Variants in RFC1 observed in about 807,000 individuals in gnomAD.
RFC1 encodes the protein A1 140 kDa subunit.
Under a neutral mutation model 137.4 loss-of-function variants are expected in RFC1, and 37 were observed. That is an observed-to-expected ratio of 0.27 (90% confidence interval 0.21 to 0.35). RFC1 has a LOEUF of 0.35. RFC1 is among the 10% of genes least tolerant of loss of function. The probability of loss-of-function intolerance (pLI) is 1.00; values close to 1 mark genes in which losing one functional copy is unlikely to be tolerated. For synonymous variants in RFC1, 429 were observed against 455.7 expected (o/e 0.94, Z 0.75); for missense variants, 1,205 against 1,358.5 (o/e 0.89, Z 1.78).
Position 39,351,331 on chromosome 4 carries a change from A to G in RFC1, c.132+17T>C, listed in dbSNP as rs1741190521. 2 of 1,490,348 alleles carry G rather than the reference A, an allele frequency of 1.3e-6. No homozygotes were observed. Among genetic ancestry groups the G allele is most frequent in the Admixed American group, 2.6e-5 (1 of 38,364 alleles). 92.3% of individuals were successfully genotyped at this position (1,490,348 alleles called of 1,614,324 possible). A position where few individuals can be genotyped will look rare whatever the true frequency, so the allele number is the denominator to read the frequency against. ...TTTACATTTCATTCAATGCAAAATT[A>G]TACCCAGAAAACTAACCTTGATTTC... On this transcript the variant is annotated intron_variant, in intron 2 of 24. Coordinates refer to ENST00000349703, the MANE Select transcript of RFC1 (RefSeq NM_002913.5).
intron 23 of RFC1, among the ~76,000 whole-genome samples, chr4:39,290,829 G>T (rs1183945799): frequency 6.6e-6 from 1 of 150,594 alleles, no homozygotes; most frequent in Non-Finnish European, 1.5e-5. Context: ...AAAAAAAAAG[G>T]TTGGGGGAGC....
chr4:39,315,855 C>T (rs1739213283), intron 10 of RFC1, among the ~76,000 whole-genome samples: 2 of 152,278 alleles, frequency 1.3e-5, no homozygotes, highest in South Asian at 4.1e-4. Context: ...GCTATTTCTG[C>T]CCCATCCACA....
intron 22 of RFC1, among the ~76,000 whole-genome samples, chr4:39,293,811 C>A (rs748230721): frequency 4.6e-5 from 7 of 152,168 alleles, no homozygotes; most frequent in Non-Finnish European, 7.3e-5. Flanking sequence ...TAGGGCAGAG[C>A]AACCCATGAC....
chr4:39,311,358 A>G, intron 12 of RFC1, 87 bp downstream of exon 12: 2 of 1,076,668 alleles, frequency 1.9e-6, no homozygotes, highest in South Asian at 2.8e-5. Flanking sequence ...TCTTTCAGCC[A>G]ACAAGCCTGT....
chr4:39,314,767 T>C (rs1004453634), intron 10 of RFC1, among the ~76,000 whole-genome samples: 2 of 152,160 alleles, frequency 1.3e-5, no homozygotes, highest in African/African-American at 4.8e-5. Flanking sequence ...TATTAATCTC[T>C]ATATGTACTT....
chr4:39,327,747 T>A lies in RFC1; in HGVS notation c.341A>T (p.Asp114Val). Residue 114 changes from aspartate to valine, a missense_variant, in exon 5 of 25, where the codon GAT becomes GTT. Around this residue, in one of 3 missense-constraint regions of RFC1, gnomAD observed 962 missense variants for 1,035.3 expected, o/e 0.93. Transcript: ENST00000349703. ...GGCCGCCTTCTTACACATAAAGTCA[T>A]CTTCTTCATCTTAAATGAAATGTAA... Reference protein sequence around the residue: ...VTYISETDEEDDFMCKKAASK... With the variant: ...VTYISETDEEVDFMCKKAASK... 1 of 1,586,984 alleles carries A rather than the reference T, an allele frequency of 6.3e-7. No homozygotes were observed. The highest frequency in any genetic ancestry group is 8.5e-7 in the Non-Finnish European group (1 of 1,170,230).
At chr4:39,294,901 G>A (rs1010550010) in intron 22 of RFC1, among the ~76,000 whole-genome samples, 23 of 152,162 alleles carry the variant, frequency 1.5e-4, no homozygotes, top group Non-Finnish European at 7.3e-5. Flanking sequence ...CTACTCAGGA[G>A]GCTGAGGTGG....
At chr4:39,289,498 C>A in intron 24 of RFC1, 1 of 199,984 alleles carries the variant, frequency 5.0e-6, no homozygotes, top group Non-Finnish European at 1.0e-5. Flanking sequence ...TTCTACAAAG[C>A]AGTTTAGTGG....
chr4:39,302,924 T>C, intron 16 of RFC1, 50 bp from the exon 17 acceptor site: 1 of 1,541,210 alleles, frequency 6.5e-7, no homozygotes, highest in Non-Finnish European at 8.9e-7. Flanking sequence ...AAATGACAAA[T>C]ACCACACAAG....
intron 4 of RFC1, among the ~76,000 whole-genome samples, chr4:39,329,441 TTAGCCGGGCG>T (rs1739974891): frequency 6.6e-6 from 1 of 151,688 alleles, no homozygotes; most frequent in South Asian, 2.1e-4. Flanking sequence ...ATTACAAAAC[TTAGCCGGGCG>T]TAGCGGTGCG....
intron 4 of RFC1, among the ~76,000 whole-genome samples, chr4:39,329,368 T>C (rs1266485926): frequency 6.6e-6 from 1 of 151,326 alleles, no homozygotes; most frequent in East Asian, 1.9e-4. Flanking sequence ...GGCAGGCAGA[T>C]CACTTCAGGT....
chr4:39,298,307 C>CAAAAAAAAA (rs55727769), intron 21 of RFC1, among the ~76,000 whole-genome samples: 7 of 111,218 alleles, frequency 6.3e-5, no homozygotes, highest in African/African-American at 1.6e-4. Context: ...GACCTTGTCT[C>CAAAAAAAAA]AAAAAAAAAA....
At chr4:39,333,373 T>C (rs768857813) in intron 4 of RFC1, among the ~76,000 whole-genome samples, 1 of 152,178 alleles carries the variant, frequency 6.6e-6, no homozygotes, top group Non-Finnish European at 1.5e-5. Context: ...TCCTTTAGCA[T>C]AGTAACTCTT....
chr4:39,351,372 T>C lies in RFC1; in HGVS notation c.108A>G (p.Ala36=). 1 of 1,566,656 alleles carries C rather than the reference T, an allele frequency of 6.4e-7. No homozygotes were observed. The highest frequency in any genetic ancestry group is 8.6e-7 in the Non-Finnish European group (1 of 1,163,984). Residue 36 remains alanine, a synonymous_variant, in exon 2 of 25, where the codon GCA becomes GCG. Transcript: ENST00000349703. ...CCTTGATTTCCTTTATTCCTTTCTT[T>C]GCTTTTAAAGTTTCTTCATCAGACT... is the stretch of plus-strand genomic sequence containing the variant. ...KTKSDEETLK[A]KKGIKEIKVN...
chr4:39,298,101 G>A (rs1738126211), intron 21 of RFC1, among the ~76,000 whole-genome samples: 1 of 152,128 alleles, frequency 6.6e-6, no homozygotes, highest in Non-Finnish European at 1.5e-5. Flanking sequence ...TTGCACCCAG[G>A]AGTTCAAGAC....
chr4:39,324,502 T>C (rs563553852), intron 6 of RFC1, among the ~76,000 whole-genome samples: 3 of 152,236 alleles, frequency 2.0e-5, no homozygotes, highest in Non-Finnish European at 4.4e-5. Flanking sequence ...CCTTGAGTCA[T>C]GTGGATACTC....
At position 39,302,376 on chromosome 4, in the gene RFC1, C is replaced by T. The variant is rs370085283; in HGVS notation, c.2437G>A (p.Val813Ile). ...ILGANQDIRQ[V>I]LHNLSMWCAR... ...CACCACATACTCAGATTATGTAAAACCTAAAAGAATCACAAATAAGACAAC... is the reference window on the plus strand; with the variant it reads ...CACCACATACTCAGATTATGTAAAATCTAAAAGAATCACAAATAAGACAAC... Residue 813 changes from valine to isoleucine, a missense_variant and splice_region_variant, in exon 19 of 25, where the codon GTT (valine) becomes ATT (isoleucine). Physicochemically the swap from Val to Ile is conservative, Grantham distance 29 (BLOSUM62 3). Coordinates refer to ENST00000349703, the MANE Select transcript of RFC1 (RefSeq NM_002913.5). The T allele has an allele frequency of 1.2e-5, 19 of 1,608,914 alleles. No individual in the cohort carries two copies. Among genetic ancestry groups the T allele is most frequent in the Non-Finnish European group, 1.4e-5 (17 of 1,175,458 alleles).
At chr4:39,344,384 C>A (rs777089417) in intron 3 of RFC1, among the ~76,000 whole-genome samples, 3 of 152,092 alleles carry the variant, frequency 2.0e-5, no homozygotes, top group African/African-American at 7.2e-5. Context: ...AATTTTAGAT[C>A]TTTGCTTTAA....
chr4:39,353,027 GACACAC>G (rs59032726), intron 1 of RFC1, among the ~76,000 whole-genome samples: 10 of 150,976 alleles, frequency 6.6e-5, no homozygotes, highest in South Asian at 2.1e-4. Flanking sequence ...AAATAAGTGT[GACACAC>G]ACACACACAC....
Sources: gnomAD v4.1 joint callset for allele counts (sites outside exome capture counted in the v4.1 genomes callset) on GRCh38, gnomAD v4.1.1 for gene constraint, gnomAD v4.1.1 regional missense constraint, MANE v1.5 for transcripts, NCBI Gene and HGNC (gene_info 2026-07-23, HGNC 2026-07-21) for gene names.